Variants in CARMIL1 observed in about 807,000 individuals in gnomAD.
The protein encoded by CARMIL1 is capping protein regulator and myosin 1 linker 1.
Under a neutral mutation model 177.1 loss-of-function variants are expected in CARMIL1, and 90 were observed. That is an observed-to-expected ratio of 0.51 (90% confidence interval 0.43 to 0.61). The LOEUF is 0.61. Among genes scored for constraint, CARMIL1 ranks in the 20% least tolerant of loss-of-function variants. The probability of loss-of-function intolerance (pLI) is 0.00; values close to 1 mark genes in which losing one functional copy is unlikely to be tolerated. For synonymous variants in CARMIL1, 577 were observed against 606.2 expected (o/e 0.95, Z 0.71); for missense variants, 1,380 against 1,667.0 (o/e 0.83, Z 3.00).
intron 12 of CARMIL1, among the ~76,000 whole-genome samples, chr6:25,483,916 C>T (rs978798281): frequency 1.9e-4 from 29 of 151,954 alleles, no homozygotes; most frequent in Admixed American, 1.4e-3. Flanking sequence ...CACAAGCGTG[C>T]ACTACCACAC....
chr6:25,352,867 A>C (rs1788247451), intron 2 of CARMIL1, among the ~76,000 whole-genome samples: 1 of 152,228 alleles, frequency 6.6e-6, no homozygotes, highest in Non-Finnish European at 1.5e-5. Context: ...TGTGAGCTAA[A>C]GTCACTTAAT....
At chr6:25,603,528 G>A (rs1291317001) in intron 33 of CARMIL1, among the ~76,000 whole-genome samples, 2 of 152,144 alleles carry the variant, frequency 1.3e-5, no homozygotes, top group Admixed American at 1.3e-4. Flanking sequence ...TATCTCACCT[G>A]CATTTCAAAT....
chr6:25,564,192 C>T (rs978055274), intron 29 of CARMIL1, among the ~76,000 whole-genome samples: 3 of 152,132 alleles, frequency 2.0e-5, no homozygotes, highest in Non-Finnish European at 4.4e-5. Context: ...CTCTCTCTAC[C>T]TGGTGTGTTT....
chr6:25,583,973 G>A (rs1436072380), intron 31 of CARMIL1, among the ~76,000 whole-genome samples: 2 of 151,118 alleles, frequency 1.3e-5, no homozygotes, highest in Non-Finnish European at 2.9e-5. Context: ...GATAAAACTG[G>A]TGACTCATGG....
chr6:25,528,659 TG>T, intron 23 of CARMIL1, 135 bp from the exon 24 acceptor site: 1 of 687,946 alleles, frequency 1.5e-6, no homozygotes, highest in Non-Finnish European at 2.6e-6. Context: ...CCATGTGTTT[TG>T]TGGGGTCAAA....
At chr6:25,534,143 A>G (rs1808050811) in intron 24 of CARMIL1, among the ~76,000 whole-genome samples, 1 of 151,042 alleles carries the variant, frequency 6.6e-6, no homozygotes, top group Non-Finnish European at 1.5e-5. Context: ...AACAAGAACT[A>G]CAAGAACTAG....
At chr6:25,600,787 A>G in intron 33 of CARMIL1, 41 bp downstream of exon 33, 2 of 1,417,808 alleles carry the variant, frequency 1.4e-6, no homozygotes, top group Non-Finnish European at 1.9e-6. Flanking sequence ...TTTATTTGAT[A>G]TATAATAGAT....
intron 5 of CARMIL1, among the ~76,000 whole-genome samples, chr6:25,444,186 C>A (rs1359535868): frequency 6.6e-6 from 1 of 152,130 alleles, no homozygotes; most frequent in Non-Finnish European, 1.5e-5. Context: ...CTGTGGCATG[C>A]AATGCTGTTT....
At chr6:25,592,276 T>C (rs1814393629) in intron 31 of CARMIL1, among the ~76,000 whole-genome samples, 1 of 152,202 alleles carries the variant, frequency 6.6e-6, no homozygotes, top group Non-Finnish European at 1.5e-5. Flanking sequence ...GGTGACATAA[T>C]AACGTGTAAA....
At chr6:25,566,211 T>C (rs1203548564) in intron 29 of CARMIL1, among the ~76,000 whole-genome samples, 1 of 152,078 alleles carries the variant, frequency 6.6e-6, no homozygotes, top group Non-Finnish European at 1.5e-5. Context: ...TCCAGAAGAG[T>C]TTTCTAAATG....
intron 4 of CARMIL1, among the ~76,000 whole-genome samples, chr6:25,431,550 C>T (rs937194846): frequency 3.3e-5 from 5 of 151,640 alleles, no homozygotes; most frequent in African/African-American, 9.7e-5. Flanking sequence ...AGGGTCTTCT[C>T]GGTGGTCTTA....
chr6:25,396,835 C>A (rs1359303586), intron 2 of CARMIL1, among the ~76,000 whole-genome samples: 1 of 152,070 alleles, frequency 6.6e-6, no homozygotes, highest in Non-Finnish European at 1.5e-5. Context: ...TGCAGAGATG[C>A]GGAAATGGGC....
chr6:25,365,457 T>G (rs1243758487), intron 2 of CARMIL1, among the ~76,000 whole-genome samples: 1 of 152,186 alleles, frequency 6.6e-6, no homozygotes, highest in Non-Finnish European at 1.5e-5. Context: ...GAAAGCAAAA[T>G]GCATACATTT....
chr6:25,420,224 A>G, intron 3 of CARMIL1, 60 bp downstream of exon 3: 1 of 1,459,912 alleles, frequency 6.8e-7, no homozygotes, highest in Non-Finnish European at 9.6e-7. Flanking sequence ...ACTCATGCAT[A>G]GTCACTCATG....
At chr6:25,512,834 T>C (rs925909578) in intron 20 of CARMIL1, among the ~76,000 whole-genome samples, 13 of 152,168 alleles carry the variant, frequency 8.5e-5, no homozygotes, top group Non-Finnish European at 1.5e-5. Context: ...AAGTATTACA[T>C]ATGAACCCAT....
At chr6:25,525,926 G>C (rs747087449) in intron 23 of CARMIL1, among the ~76,000 whole-genome samples, 1 of 149,290 alleles carries the variant, frequency 6.7e-6, no homozygotes, top group Non-Finnish European at 1.5e-5. Flanking sequence ...AAATGTAATA[G>C]ATAGAAAACA....
intron 29 of CARMIL1, among the ~76,000 whole-genome samples, chr6:25,578,318 T>G (rs370136168): frequency 2.0e-5 from 3 of 152,126 alleles, no homozygotes; most frequent in Non-Finnish European, 4.4e-5. Context: ...AAAGTCAGAT[T>G]GTTTTCTTTT....
intron 24 of CARMIL1, among the ~76,000 whole-genome samples, chr6:25,536,374 C>T (rs1454768963): frequency 6.6e-6 from 1 of 152,050 alleles, no homozygotes; most frequent in Non-Finnish European, 1.5e-5. Flanking sequence ...GGAATCATAA[C>T]TTTCTTGTCT....
chr6:25,480,689 A>G (rs898329717), intron 11 of CARMIL1, among the ~76,000 whole-genome samples: 17 of 145,490 alleles, frequency 1.2e-4, no homozygotes, highest in Admixed American at 1.0e-3. Flanking sequence ...TAATGTAATC[A>G]TTGAAATATT....
Sources: gnomAD v4.1 joint callset for allele counts (sites outside exome capture counted in the v4.1 genomes callset) on GRCh38, gnomAD v4.1.1 for gene constraint, MANE v1.5 for transcripts, NCBI Gene and HGNC (gene_info 2026-07-23, HGNC 2026-07-21) for gene names.